CHGB: variants seen among roughly 807,000 people sequenced by gnomAD.
The protein encoded by CHGB is chromogranin B.
Under a neutral mutation model 69.9 loss-of-function variants are expected in CHGB, and 46 were observed. The ratio of observed to expected loss-of-function variants is 0.66; its 90% confidence interval spans 0.52 to 0.84. CHGB has a LOEUF of 0.84. Ranked by LOEUF, CHGB falls within the 40% of genes least tolerant of loss-of-function variation. The probability of loss-of-function intolerance (pLI) is 0.00; values close to 1 mark genes in which losing one functional copy is unlikely to be tolerated. For missense variants in CHGB, 796 were observed against 822.2 expected, an observed-to-expected ratio of 0.97 and a Z score of 0.39; for synonymous variants, 312 against 298.2, an observed-to-expected ratio of 1.05 and a Z score of -0.48.
chr20:5,924,926 G>T (rs1200183957), intron 4 of CHGB, 46 bp from the exon 5 acceptor site: 3 of 1,206,986 alleles, frequency 2.5e-6, no homozygotes, highest in Non-Finnish European at 3.7e-6. Context: ...TACAGCAAAA[G>T]AAATTGGTTC....
chr20:5,918,887 C>T (rs1176409886), intron 3 of CHGB, among the ~76,000 whole-genome samples: 1 of 117,562 alleles, frequency 8.5e-6, no homozygotes, highest in Non-Finnish European at 1.7e-5. Context: ...CTTCAGGTAA[C>T]AATGGTAGCT....
chr20:5,918,390 C>T (rs192339802), intron 3 of CHGB, among the ~76,000 whole-genome samples: 1 of 151,748 alleles, frequency 6.6e-6, no homozygotes, highest in African/African-American at 2.4e-5. Flanking sequence ...GAGGCTCCAT[C>T]AAAAACAAAA....
At chr20:5,922,222 T>C in intron 3 of CHGB, 113 bp from the exon 4 acceptor site, 1 of 1,350,234 alleles carries the variant, frequency 7.4e-7, no homozygotes, top group Non-Finnish European at 9.7e-7. Context: ...TTAACTTAAA[T>C]AATTATCCAA....
rs915168851 is a variant in CHGB, at chr20:5,918,615, A to G, written c.190+1696A>G. 4.0e-5 allele frequency among the ~76,000 whole-genome samples: 6 copies of G among 151,714 alleles called. No homozygotes were observed. In the East Asian group the frequency reaches 7.8e-4, roughly 20 times the overall value. On this transcript the variant is annotated intron_variant, in intron 3 of 4. Transcript: ENST00000378961. The stretch of plus-strand genomic sequence containing the variant: ...ATCACAAGGTCAGGAGATCAAGACC[A>G]TCCTGTCTAACACAGTGAAACCCCA...
rs1206422773 is a variant in CHGB, at chr20:5,922,757, G to C, written c.613G>C (p.Ala205Pro). The C allele has an allele frequency of 6.2e-7, 1 of 1,614,106 alleles. No individual in the cohort carries two copies. The highest frequency in any genetic ancestry group is 8.5e-7 in the Non-Finnish European group (1 of 1,180,018). Residue 205 changes from alanine (A) to proline (P), a missense_variant, in exon 4 of 5, where the codon GCT becomes CCT. Physicochemically the swap from Ala to Pro is conservative, Grantham distance 27. Around this residue, in one of 3 missense-constraint regions of CHGB, gnomAD observed 518 missense variants for 506.3 expected, o/e 1.02. Transcript: ENST00000378961. ...QNAFLNERKQ[A>P]SAIKKEELVA... ...CGCTTTTCTCAATGAAAGAAAGCAG[G>C]CTTCAGCTATAAAAAAAGAGGAGTT...
In CHGB at chr20:5,916,306, A is replaced by G. The variant is rs367686605; in HGVS notation, c.50-20A>G. On this transcript the variant is annotated intron_variant, in intron 1 of 4. Transcript: ENST00000378961. ...CAAAAACCAACTCAAGTCATTTTCC[A>G]TTCTTTTTCTCCTTCAAAGCTGTCA... The G allele has an allele frequency of 4.8e-4, 778 of 1,610,618 alleles. No individual in the cohort carries two copies. The highest frequency in any genetic ancestry group is 6.0e-4 in the Non-Finnish European group (704 of 1,177,578).
At chr20:5,918,901 G>A (rs918397694) in intron 3 of CHGB, among the ~76,000 whole-genome samples, 3 of 151,266 alleles carry the variant, frequency 2.0e-5, no homozygotes, top group African/African-American at 4.9e-5. Flanking sequence ...GGTAGCTGTG[G>A]GGGCCTGAGC....
Position 5,916,293 on chromosome 20 carries a change from CAAGTCATTTTCCA to C in CHGB, c.50-32_50-20del, listed in dbSNP as rs1480619332. ...GTCACACAGCTTTCAAAAACCAACT[CAAGTCATTTTCCA>C]TTCTTTTTCTCCTTCAAAGCTGTCA... On this transcript the variant is annotated intron_variant, in intron 1 of 4. Coordinates refer to ENST00000378961, the MANE Select transcript of CHGB (RefSeq NM_001819.3). 8 of 1,602,362 alleles carry C rather than the reference CAAGTCATTTTCCA, an allele frequency of 5.0e-6. No homozygotes were observed. The African/African-American group carries it at 1.1e-4, about 21-fold the overall frequency.
chr20:5,923,298 A>G lies in CHGB; in HGVS notation c.1154A>G (p.Asp385Gly). 2 of 1,613,650 alleles carry G rather than the reference A, an allele frequency of 1.2e-6. No individual in the cohort carries two copies. Among genetic ancestry groups the G allele is most frequent in the Non-Finnish European group, 1.7e-6 (2 of 1,180,020 alleles). Residue 385 changes from aspartate to glycine, a missense_variant, in exon 4 of 5, where the codon GAC becomes GGC. By Grantham distance (94) the Asp-to-Gly change is moderately conservative. Coordinates refer to ENST00000378961, the MANE Select transcript of CHGB (RefSeq NM_001819.3). ...PQSEESWDEE[D>G]KRNYPSLELD... ...AGTGAGGAGAGTTGGGATGAGGAGGACAAGAGAAACTACCCCAGCTTAGAG... is the reference window on the plus strand; with the variant it reads ...AGTGAGGAGAGTTGGGATGAGGAGGGCAAGAGAAACTACCCCAGCTTAGAG...
In CHGB at chr20:5,922,538, G is replaced by T. The variant is rs1367623371; in HGVS notation, c.394G>T (p.Glu132Ter). The part of the protein sequence containing the change: ...KWAEGGGHSR[E>*]RADEPQWSLY... ...GGCAGAGGGAGGCGGGCACAGCCGA[G>T]AGCGAGCGGATGAGCCCCAGTGGAG... is the stretch of plus-strand genomic sequence containing the variant. The change falls in exon 4 of 5, where the codon GAG becomes TAG. Residue 132 changes from glutamate (E) to a stop codon, truncating the protein, a stop_gained. Coordinates refer to ENST00000378961, the MANE Select transcript of CHGB (RefSeq NM_001819.3). LOFTEE classifies it high-confidence loss of function. 6.2e-7 allele frequency: 1 copy of T among 1,612,942 alleles called. No individual in the cohort carries two copies. Among genetic ancestry groups the T allele is most frequent in the East Asian group, 2.2e-5 (1 of 44,852 alleles).
At position 5,911,567 on chromosome 20, in the gene CHGB, T is replaced by G. The variant is rs1045818354; in HGVS notation, c.-67T>G. ...CCGGGGCCGCTCCATCGCGCCTTCC[T>G]CCTGCGCCTCGCTTCTCCGGTCCAG... On this transcript the variant is annotated 5_prime_UTR_variant, in exon 1 of 5. Coordinates refer to ENST00000378961, the MANE Select transcript of CHGB (RefSeq NM_001819.3). 1.3e-6 allele frequency: 2 copies of G among 1,490,278 alleles called. No homozygotes were observed. Among genetic ancestry groups the G allele is most frequent in the Non-Finnish European group, 1.8e-6 (2 of 1,115,828 alleles). The allele number at this position is 1,490,278 out of a possible 1,614,324, so 92.3% of individuals were successfully genotyped here.
rs1270122655 is a variant in CHGB at position 5,923,118 on chromosome 20, G to A, written c.974G>A (p.Arg325Lys). ...NVSMASLGEK[R>K]DHHSTHYRAS... is the part of the protein sequence containing the mutation. ...AGCATGGCCAGTTTAGGGGAAAAGA[G>A]GGACCACCATTCAACCCACTACAGG... Residue 325 changes from arginine (R) to lysine (K), a missense_variant, in exon 4 of 5, where the codon AGG (arginine) becomes AAG (lysine). This residue lies in a region of CHGB where 518 missense variants were observed against 506.3 expected (regional missense o/e 1.02). Transcript: ENST00000378961. 4 of 1,614,134 alleles carry A rather than the reference G, an allele frequency of 2.5e-6. No individual in the cohort carries two copies. Among genetic ancestry groups the A allele is most frequent in the Admixed American group, 1.7e-5 (1 of 60,030 alleles).
At chr20:5,913,000 A>T (rs2088454941) in intron 1 of CHGB, among the ~76,000 whole-genome samples, 1 of 152,202 alleles carries the variant, frequency 6.6e-6, no homozygotes, top group Admixed American at 6.5e-5. Context: ...TCAAATGAAT[A>T]TTTATAATTA....
intron 1 of CHGB, chr20:5,914,713 A>C (rs1410195188): frequency 1.3e-5 from 2 of 152,326 alleles, no homozygotes; most frequent in South Asian, 4.1e-4. Context: ...ATGAAAGAAC[A>C]GTTGAGTATA....
chr20:5,922,985 C>T lies in CHGB; in HGVS notation c.841C>T (p.Pro281Ser). Residue 281 changes from proline (P) to serine (S), a missense_variant, in exon 4 of 5, where the codon CCC (proline) becomes TCC (serine). By Grantham distance (74) the Pro-to-Ser change is moderately conservative (BLOSUM62 -1). Around this residue, in one of 3 missense-constraint regions of CHGB, gnomAD observed 518 missense variants for 506.3 expected, o/e 1.02. Transcript: ENST00000378961. ...TGAGGTGGACAAACGACGCACGAGG[C>T]CCAGACACCACCACGGGAGGAGCAG... ...TSEVDKRRTR[P>S]RHHHGRSRPD... 6.2e-7 allele frequency: 1 copy of T among 1,610,190 alleles called. No individual in the cohort carries two copies. Among genetic ancestry groups the T allele is most frequent in the Non-Finnish European group, 8.5e-7 (1 of 1,178,126 alleles).
intron 3 of CHGB, among the ~76,000 whole-genome samples, chr20:5,918,157 A>AAAC (rs2088489383): frequency 6.8e-6 from 1 of 148,076 alleles, no homozygotes; most frequent in East Asian, 2.0e-4. Context: ...CTAAAAAAAA[A>AAAC]AAAAAAAAAA....
chr20:5,916,457 C>T (rs975676981), intron 2 of CHGB, 85 bp downstream of exon 2: 25 of 1,157,590 alleles, frequency 2.2e-5, no homozygotes, highest in African/African-American at 6.1e-5. Context: ...ACCAAACACA[C>T]GCATGACATA....
Position 5,921,628 on chromosome 20 carries a change from A to G in CHGB, c.191-707A>G, listed in dbSNP as rs567351176. Among the ~76,000 whole-genome samples, 9 of 152,360 alleles carry G rather than the reference A, an allele frequency of 5.9e-5. No individual in the cohort carries two copies. The South Asian group carries it at 1.9e-3, about 32-fold the overall frequency. ...TGCTGAAGTCTGTCCCCAACATCTG[A>G]GAACATGTTGGGTGGATGGAACCTG... On this transcript the variant is annotated intron_variant, in intron 3 of 4. Coordinates refer to ENST00000378961, the MANE Select transcript of CHGB (RefSeq NM_001819.3).
In CHGB at chr20:5,922,871, A is replaced by G. The variant is rs236151; in HGVS notation, c.727A>G (p.Thr243Ala). 0.77 allele frequency: 1,236,140 copies of G among 1,613,678 alleles called. 476,687 individuals are homozygous for G. Among genetic ancestry groups the G allele is most frequent in the East Asian group, 1 (44,769 of 44,850 alleles). Residue 243 changes from threonine to alanine, a missense_variant, in exon 4 of 5, where the codon ACA becomes GCA. By Grantham distance (58) the Thr-to-Ala change is moderately conservative. Around this residue, in one of 3 missense-constraint regions of CHGB, gnomAD observed 518 missense variants for 506.3 expected, o/e 1.02. Transcript: ENST00000378961. ...GAGTAGCCAGGAGAGTGGAGAGGAG[A>G]CAGGGAGCCAGGAGAATCACCCCCA... is the stretch of plus-strand genomic sequence containing the variant. ...EKSSQESGEE[T>A]GSQENHPQES...
Sources: gnomAD v4.1 joint callset for allele counts (sites outside exome capture counted in the v4.1 genomes callset) on GRCh38, gnomAD v4.1.1 for gene constraint, gnomAD v4.1.1 regional missense constraint, MANE v1.5 for transcripts, NCBI Gene and HGNC (gene_info 2026-07-23, HGNC 2026-07-21) for gene names.